PSD3: variants seen among roughly 807,000 people sequenced by gnomAD.
PSD3 encodes the protein pleckstrin and Sec7 domain containing 3.
In PSD3, 49 loss-of-function variants were observed where a neutral mutation model predicts 105.5. That is an observed-to-expected ratio of 0.46 (90% CI 0.37 to 0.59). PSD3 has a LOEUF of 0.59. Among genes scored for constraint, PSD3 ranks in the 20% least tolerant of loss-of-function variants. The pLI is 0.00. For missense variants in PSD3, 1,561 were observed against 1,263.8 expected (o/e 1.24, Z -3.57); for synonymous variants, 557 against 457.8 (o/e 1.22, Z -2.77).
intron 1 of PSD3, among the ~76,000 whole-genome samples, chr8:19,081,004 C>T (rs937314719): frequency 2.0e-5 from 3 of 152,138 alleles, no homozygotes; most frequent in Non-Finnish European, 4.4e-5. Context: ...GGTCTGCTTT[C>T]CTTATCCTCT....
At chr8:18,716,517 G>T (rs1393310231) in intron 9 of PSD3, among the ~76,000 whole-genome samples, 1 of 152,148 alleles carries the variant, frequency 6.6e-6, no homozygotes, top group African/African-American at 2.4e-5. Flanking sequence ...CAGCAAGATG[G>T]CCAGGGTGGC....
intron 9 of PSD3, among the ~76,000 whole-genome samples, chr8:18,703,244 G>C (rs1801695173): frequency 6.6e-6 from 1 of 152,172 alleles, no homozygotes; most frequent in South Asian, 2.1e-4. Context: ...AGTTTCCAGT[G>C]CATTCTGCAG....
intron 9 of PSD3, among the ~76,000 whole-genome samples, chr8:18,659,359 A>G (rs1287160868): frequency 6.6e-6 from 1 of 152,174 alleles, no homozygotes; most frequent in Non-Finnish European, 1.5e-5. Flanking sequence ...CTCCTTTCTG[A>G]TGGTAAGGGA....
At chr8:18,903,562 G>C (rs552500402) in intron 2 of PSD3, among the ~76,000 whole-genome samples, 14 of 152,248 alleles carry the variant, frequency 9.2e-5, no homozygotes, top group African/African-American at 3.4e-4. Flanking sequence ...TTGGTCTATA[G>C]GCCAGTGTGT....
chr8:18,888,548 C>T (rs1317236305), intron 2 of PSD3, among the ~76,000 whole-genome samples: 2 of 151,314 alleles, frequency 1.3e-5, no homozygotes, highest in Non-Finnish European at 2.9e-5. Flanking sequence ...CATAGAAATA[C>T]ATAAAGCACT....
chr8:18,838,411 T>A (rs1026025573), intron 4 of PSD3, among the ~76,000 whole-genome samples: 4 of 152,318 alleles, frequency 2.6e-5, no homozygotes, highest in African/African-American at 9.6e-5. Flanking sequence ...GCTTCATAAA[T>A]GTAAATATTA....
rs1807712750 is a variant in PSD3, at chr8:18,642,376, T to A, written c.2217-9570A>T. On this transcript the variant is annotated intron_variant, in intron 10 of 15. Transcript: ENST00000327040. ...AAATTATAATGTACGAGTACATAAA[T>A]GCTCAATGAAACAACTACTGTCTAA... Among the ~76,000 whole-genome samples the A allele has an allele frequency of 2.6e-5, 4 of 152,270 alleles. No individual in the cohort carries two copies. The South Asian group carries it at 6.2e-4, about 24-fold the overall frequency.
chr8:18,629,275 T>C (rs141687372), intron 11 of PSD3, among the ~76,000 whole-genome samples: 14 of 151,998 alleles, frequency 9.2e-5, no homozygotes, highest in Admixed American at 5.3e-4. Context: ...CAAAATGATA[T>C]AGAAACTTTA....
chr8:18,871,483 C>G, intron 3 of PSD3, 143 bp downstream of exon 3: 1 of 1,075,848 alleles, frequency 9.3e-7, no homozygotes, highest in Non-Finnish European at 1.3e-6. Context: ...TTAGAAGGAC[C>G]TAGCTCACAG....
chr8:19,044,753 C>T (rs2129476826), intron 1 of PSD3, among the ~76,000 whole-genome samples: 1 of 152,252 alleles, frequency 6.6e-6, no homozygotes, highest in Non-Finnish European at 1.5e-5. Context: ...GAACTTTGCT[C>T]AGTGGTACCA....
At chr8:19,082,761 G>A (rs1829682490) in intron 1 of PSD3, among the ~76,000 whole-genome samples, 1 of 152,202 alleles carries the variant, frequency 6.6e-6, no homozygotes, top group African/African-American at 2.4e-5. Flanking sequence ...AACAATAACT[G>A]TGTGACCCCA....
intron 12 of PSD3, among the ~76,000 whole-genome samples, chr8:18,599,084 A>C (rs769781608): frequency 6.6e-6 from 1 of 152,172 alleles, no homozygotes; most frequent in African/African-American, 2.4e-5. Flanking sequence ...AAGACTCTGA[A>C]TCTCTGAATA....
intron 9 of PSD3, among the ~76,000 whole-genome samples, chr8:18,755,297 G>T (rs969080256): frequency 2.6e-5 from 4 of 152,040 alleles, no homozygotes; most frequent in Non-Finnish European, 4.4e-5. Flanking sequence ...AGGCGTGGTG[G>T]CACGCGCCTG....
intron 12 of PSD3, among the ~76,000 whole-genome samples, chr8:18,583,039 G>A (rs1012860520): frequency 6.6e-5 from 10 of 151,986 alleles, no homozygotes; most frequent in Admixed American, 1.3e-4. Flanking sequence ...TGTTGGTCAG[G>A]CTGGTCTTGA....
At chr8:18,890,734 C>T (rs987212334) in intron 2 of PSD3, among the ~76,000 whole-genome samples, 1 of 151,464 alleles carries the variant, frequency 6.6e-6, no homozygotes, top group East Asian at 1.9e-4. Context: ...TAGCTAAGCT[C>T]ATTGTCTTGA....
chr8:19,065,924 G>A (rs1218853063), intron 1 of PSD3, among the ~76,000 whole-genome samples: 1 of 152,116 alleles, frequency 6.6e-6, no homozygotes, highest in Non-Finnish European at 1.5e-5. Context: ...CCAATCTGAA[G>A]CTACCAGCCA....
chr8:18,866,854 T>C (rs1177451395), intron 4 of PSD3, among the ~76,000 whole-genome samples: 4 of 150,270 alleles, frequency 2.7e-5, no homozygotes, highest in East Asian at 2.0e-4. Flanking sequence ...TTGATCACCA[T>C]TTAACACCTC....
At chr8:18,775,843 C>T (rs915012422) in intron 8 of PSD3, among the ~76,000 whole-genome samples, 4 of 152,258 alleles carry the variant, frequency 2.6e-5, no homozygotes, top group African/African-American at 9.6e-5. Flanking sequence ...TGGGACACCA[C>T]ATCTAAATAT....
At chr8:18,664,180 A>G (rs1809551380) in intron 9 of PSD3, among the ~76,000 whole-genome samples, 1 of 152,248 alleles carries the variant, frequency 6.6e-6, no homozygotes, top group Admixed American at 6.5e-5. Flanking sequence ...ACTTTAAATC[A>G]AAAGCTAGAA....
Sources: gnomAD v4.1 joint callset for allele counts (sites outside exome capture counted in the v4.1 genomes callset) on GRCh38, gnomAD v4.1.1 for gene constraint, MANE v1.5 for transcripts, NCBI Gene and HGNC (gene_info 2026-07-23, HGNC 2026-07-21) for gene names.